Variants in PDIA5 observed in about 807,000 individuals in gnomAD.
PDIA5 encodes the protein protein disulfide-isomerase A5.
PDIA5 carries 58 observed loss-of-function variants against 77.6 expected under a neutral mutation model. The ratio of observed to expected loss-of-function variants is 0.75; its 90% CI spans 0.61 to 0.93. The LOEUF (loss-of-function observed/expected upper bound fraction) is 0.93. Ranked by LOEUF, PDIA5 falls within the 40% of genes least tolerant of loss-of-function variation. PDIA5 has a pLI of 0.00. For missense variants in PDIA5, 630 were observed against 647.7 expected, an observed-to-expected ratio of 0.97 and a Z score of 0.30; for synonymous variants, 250 against 252.1, an observed-to-expected ratio of 0.99 and a Z score of 0.08.
chr3:123,136,740 A>T (rs987609748), intron 11 of PDIA5, among the ~76,000 whole-genome samples: 8 of 151,746 alleles, frequency 5.3e-5, no homozygotes, highest in African/African-American at 1.9e-4. Flanking sequence ...AAAAAAAAAA[A>T]AAAAAAAAAG....
intron 10 of PDIA5, among the ~76,000 whole-genome samples, chr3:123,125,121 T>A (rs573133781): frequency 2.0e-5 from 3 of 152,246 alleles, no homozygotes; most frequent in African/African-American, 7.2e-5. Flanking sequence ...GATGTCCCCT[T>A]CTGGAAGCCT....
chr3:123,145,944 G>T (rs989813156), intron 12 of PDIA5, among the ~76,000 whole-genome samples, 155 bp from the exon 13 acceptor site: 1 of 144,472 alleles, frequency 6.9e-6, no homozygotes, highest in Non-Finnish European at 1.5e-5. Context: ...CCAATGTTCA[G>T]TTGTTCCCTG....
chr3:123,161,434 A>G lies in PDIA5; in HGVS notation c.1458A>G (p.Glu486=). The change falls in exon 16 of 17, where the codon GAA becomes GAG. Residue 486 remains glutamate (E), a synonymous_variant. Transcript: ENST00000316218. ...FHYYHYGKFA[E]KYDSDRTELG... is the part of the protein sequence containing the mutation. ...ACTACCACTATGGGAAGTTCGCAGA[A>G]AAGTATGACAGCGACCGCACAGTAA... 1 of 1,614,130 alleles carries G rather than the reference A, an allele frequency of 6.2e-7. No homozygotes were observed. Among genetic ancestry groups the G allele is most frequent in the Non-Finnish European group, 8.5e-7 (1 of 1,180,018 alleles).
chr3:123,092,583 G>A (rs778418192), intron 3 of PDIA5, 141 bp downstream of exon 3: 26 of 690,810 alleles, frequency 3.8e-5, no homozygotes, highest in Admixed American at 9.2e-5. Context: ...GTGATACTTC[G>A]AGGTCACCTC....
chr3:123,141,553 A>T (rs907147506), intron 11 of PDIA5, among the ~76,000 whole-genome samples: 2 of 152,212 alleles, frequency 1.3e-5, no homozygotes, highest in African/African-American at 4.8e-5. Flanking sequence ...TTGTTCATGC[A>T]GGGTGAGCCC....
chr3:123,079,282 G>A (rs1306680269), intron 1 of PDIA5, among the ~76,000 whole-genome samples: 1 of 143,502 alleles, frequency 7.0e-6, no homozygotes, highest in Non-Finnish European at 1.5e-5. Flanking sequence ...CTGGGTTCAC[G>A]CCATTCTCCT....
At chr3:123,117,374 T>TTTTATATATATATATATATATATA (rs1553800660) in intron 8 of PDIA5, among the ~76,000 whole-genome samples, 1 of 79,872 alleles carries the variant, frequency 1.3e-5, no homozygotes, top group African/African-American at 4.8e-5. Context: ...TTCTATGATT[T>TTTTATATATATATATATATATATA]TATATATATA....
In PDIA5 at chr3:123,116,274, T is replaced by G. The variant is rs1173970264; in HGVS notation, c.585T>G (p.Ala195=). 1 of 1,613,794 alleles carries G rather than the reference T, an allele frequency of 6.2e-7. No individual in the cohort carries two copies. The highest frequency in any genetic ancestry group is 1.1e-5 in the South Asian group (1 of 91,076). ...CKRMMPHFQK[A]ATQLRGHAVL... ...GGATGATGCCGCATTTCCAGAAGGC[T>G]GCGACTCAGCTGCGAGGCCACGCCG... Residue 195 remains alanine (A), a synonymous_variant, in exon 8 of 17, where the codon GCT becomes GCG. Coordinates refer to ENST00000316218, the MANE Select transcript of PDIA5 (RefSeq NM_006810.4).
At chr3:123,146,413 G>A (rs2247505) in intron 13 of PDIA5, among the ~76,000 whole-genome samples, 154 bp downstream of exon 13, 43,379 of 152,150 alleles carry the variant, frequency 0.29, 6,441 homozygotes, top group East Asian at 0.46. Flanking sequence ...TAAAACCACC[G>A]TTCATATGCT....
intron 15 of PDIA5, among the ~76,000 whole-genome samples, chr3:123,156,585 T>C (rs996243380): frequency 6.6e-6 from 1 of 152,168 alleles, no homozygotes; most frequent in Non-Finnish European, 1.5e-5. Context: ...TGTATTGACG[T>C]CCATCACGTG....
At chr3:123,135,858 C>T (rs1192376566) in intron 11 of PDIA5, among the ~76,000 whole-genome samples, 2 of 138,828 alleles carry the variant, frequency 1.4e-5, no homozygotes, top group African/African-American at 2.7e-5. Context: ...ATAAAATCGA[C>T]CTTTTTTTTT....
At chr3:123,089,428 C>A in intron 2 of PDIA5, 134 bp downstream of exon 2, 1 of 785,284 alleles carries the variant, frequency 1.3e-6, no homozygotes, top group Non-Finnish European at 2.1e-6. Flanking sequence ...TGTCACCTTT[C>A]CTCAGAAGAC....
At chr3:123,085,802 C>T (rs1180650503) in intron 1 of PDIA5, among the ~76,000 whole-genome samples, 2 of 152,296 alleles carry the variant, frequency 1.3e-5, no homozygotes, top group South Asian at 2.1e-4. Flanking sequence ...TGTTGCTCTC[C>T]GCTGGTCAGA....
intron 1 of PDIA5, among the ~76,000 whole-genome samples, chr3:123,076,800 T>C (rs1426849578): frequency 6.6e-6 from 1 of 152,208 alleles, no homozygotes; most frequent in East Asian, 1.9e-4. Flanking sequence ...AAGCTGGCGG[T>C]GATCCAGACC....
At chr3:123,150,447 A>G in intron 14 of PDIA5, 83 bp downstream of exon 14, 1 of 1,371,668 alleles carries the variant, frequency 7.3e-7, no homozygotes, top group Admixed American at 2.2e-5. Context: ...CACCCACCCC[A>G]GGGACCAAGG....
intron 7 of PDIA5, 97 bp from the exon 8 acceptor site, chr3:123,116,134 C>T: frequency 1.1e-6 from 1 of 947,604 alleles, no homozygotes. Context: ...TGGATAAGTG[C>T]TTGTTGGGTA....
intron 3 of PDIA5, among the ~76,000 whole-genome samples, chr3:123,094,087 T>C (rs1307641625): frequency 3.9e-5 from 6 of 152,164 alleles, no homozygotes; most frequent in African/African-American, 1.4e-4. Flanking sequence ...TCAATAAAAG[T>C]GCCAATGAGA....
Position 123,130,597 on chromosome 3 carries a change from C to G in PDIA5, c.891C>G (p.Leu297=). The G allele has an allele frequency of 6.2e-7, 1 of 1,614,148 alleles. No individual in the cohort carries two copies. ...DQFVKEHSSV[L]VMFHAPWCGH... is the part of the protein sequence containing the mutation. Reference sequence around the variant, plus strand: ...TTGTGAAGGAACACTCCTCTGTCCTCGTCATGTTCCACGCCCCATGTGAGT... The same window carrying G: ...TTGTGAAGGAACACTCCTCTGTCCTGGTCATGTTCCACGCCCCATGTGAGT... The change falls in exon 11 of 17, where the codon CTC becomes CTG. Residue 297 remains leucine (L), a synonymous_variant. Transcript: ENST00000316218.
rs975252381 is a variant in PDIA5 at position 123,156,307 on chromosome 3, T to C, written c.1344+1266T>C. Among the ~76,000 whole-genome samples the C allele has an allele frequency of 3.3e-5, 5 of 152,160 alleles. No homozygotes were observed. In the South Asian group the frequency reaches 6.2e-4, roughly 19 times the overall value. On this transcript the variant is annotated intron_variant, in intron 15 of 16. Transcript: ENST00000316218. ...CTCTCTCTGGAGTCAGGAGGTCCCA[T>C]TGTTACCCGAAAGCCCTGGCTGCGG...
Sources: gnomAD v4.1 joint callset for allele counts (sites outside exome capture counted in the v4.1 genomes callset) on GRCh38, gnomAD v4.1.1 for gene constraint, MANE v1.5 for transcripts, NCBI Gene and HGNC (gene_info 2026-07-23, HGNC 2026-07-21) for gene names.